DZIP3: variants seen among roughly 807,000 people sequenced by gnomAD.
DZIP3 encodes the protein DAZ interacting zinc finger protein 3, also known as E3 ubiquitin-protein ligase DZIP3.
A neutral mutation model predicts 162.0 loss-of-function variants in DZIP3; 118 were observed. That is an observed-to-expected ratio of 0.73 (90% CI 0.63 to 0.85). The LOEUF is 0.85. DZIP3 is among the 40% of genes least tolerant of loss of function. The pLI is 0.00. For missense variants in DZIP3, 1,331 were observed against 1,407.0 expected (o/e 0.95, Z 0.86); for synonymous variants, 438 against 458.6 (o/e 0.96, Z 0.57).
chr3:108,682,216 G>A (rs922923824), intron 26 of DZIP3, among the ~76,000 whole-genome samples: 6 of 150,942 alleles, frequency 4.0e-5, no homozygotes, highest in African/African-American at 1.5e-4. Context: ...CAGTATCGAG[G>A]TTCCTCAAAA....
At chr3:108,642,124 G>A (rs2107636398) in intron 12 of DZIP3, among the ~76,000 whole-genome samples, 1 of 152,162 alleles carries the variant, frequency 6.6e-6, no homozygotes, top group East Asian at 1.9e-4. Context: ...TTGCTTGCTT[G>A]CTTTTTTTGT....
chr3:108,684,438 A>G lies in DZIP3; in HGVS notation c.3009+97A>G, dbSNP rs906327244. ...TCTTCATTTTGTTCATTCATTTGAT[A>G]TGATAATGATGGGGGTGGTGGTGAT... On this transcript the variant is annotated intron_variant, in intron 27 of 32. Coordinates refer to ENST00000361582, the MANE Select transcript of DZIP3 (RefSeq NM_014648.4). 4 of 1,396,920 alleles carry G rather than the reference A, an allele frequency of 2.9e-6. No homozygotes were observed. The Admixed American group carries it at 6.4e-5, about 22-fold the overall frequency. 86.5% of individuals were successfully genotyped at this position (1,396,920 alleles called of 1,614,324 possible). A position where few individuals can be genotyped will look rare whatever the true frequency, so the allele number is the denominator to read the frequency against.
chr3:108,657,512 C>T (rs1468468679), intron 19 of DZIP3, among the ~76,000 whole-genome samples: 1 of 152,150 alleles, frequency 6.6e-6, no homozygotes, highest in African/African-American at 2.4e-5. Flanking sequence ...AAAGGAACAA[C>T]CAGTACCAGC....
At chr3:108,685,462 T>C (rs971620403) in intron 27 of DZIP3, among the ~76,000 whole-genome samples, 1 of 152,118 alleles carries the variant, frequency 6.6e-6, no homozygotes, top group Non-Finnish European at 1.5e-5. Context: ...TATTTGAAAA[T>C]AACCCATTAG....
chr3:108,690,170 A>G (rs1423748419), intron 31 of DZIP3, among the ~76,000 whole-genome samples: 2 of 152,200 alleles, frequency 1.3e-5, no homozygotes, highest in Non-Finnish European at 2.9e-5. Context: ...TTTTATGACT[A>G]TAGTTAGTGG....
intron 24 of DZIP3, 120 bp downstream of exon 24, chr3:108,674,301 C>A: frequency 2.5e-6 from 2 of 786,114 alleles, no homozygotes; most frequent in Non-Finnish European, 3.8e-6. Flanking sequence ...TAAAGAAGCT[C>A]TTGTGGTTTT....
At chr3:108,682,768 T>TA (rs1944367251) in intron 26 of DZIP3, among the ~76,000 whole-genome samples, 1 of 150,712 alleles carries the variant, frequency 6.6e-6, no homozygotes, top group South Asian at 2.1e-4. Context: ...TTTTGAATAT[T>TA]AGAACCACAA....
intron 14 of DZIP3, among the ~76,000 whole-genome samples, chr3:108,645,894 C>G (rs1218540202): frequency 6.6e-6 from 1 of 152,130 alleles, no homozygotes; most frequent in Non-Finnish European, 1.5e-5. Flanking sequence ...TACATTTACT[C>G]TATTAGGATT....
intron 26 of DZIP3, among the ~76,000 whole-genome samples, chr3:108,679,390 C>T (rs1292022672): frequency 6.6e-6 from 1 of 152,032 alleles, no homozygotes; most frequent in Admixed American, 6.6e-5. Context: ...ATGTCTTACC[C>T]GGGTTTAGTT....
At chr3:108,657,342 T>C (rs1943181129) in intron 19 of DZIP3, among the ~76,000 whole-genome samples, 3 of 152,134 alleles carry the variant, frequency 2.0e-5, no homozygotes, top group South Asian at 2.1e-4. Flanking sequence ...TTCAACATTC[T>C]TAAAGAAAAG....
intron 27 of DZIP3, among the ~76,000 whole-genome samples, chr3:108,685,936 C>T (rs1263039912): frequency 6.6e-6 from 1 of 151,976 alleles, no homozygotes; most frequent in Admixed American, 6.6e-5. Context: ...AATACTGTGC[C>T]ACAGACTTTT....
intron 18 of DZIP3, among the ~76,000 whole-genome samples, chr3:108,652,807 C>T (rs570816672): frequency 2.5e-4 from 38 of 151,940 alleles, no homozygotes; most frequent in South Asian, 1.0e-3. Context: ...GACATACTTA[C>T]GTGTTACAAC....
In DZIP3 at chr3:108,654,100, A is replaced by G. The variant is rs78663842; in HGVS notation, c.2034-45A>G. On this transcript the variant is annotated intron_variant, in intron 18 of 32. Transcript: ENST00000361582. ...GGAAGCAATAGCTTAGATGAAAATT[A>G]CTATACAATTGTAAAAGCTCACATT... is the stretch of plus-strand genomic sequence containing the variant. 5,458 of 1,587,478 alleles carry G rather than the reference A, an allele frequency of 3.4e-3. 170 individuals are homozygous for G. In the African/African-American group the frequency reaches 0.066, roughly 19 times the overall value.
At chr3:108,611,428 T>A (rs1335986847) in intron 4 of DZIP3, 99 bp downstream of exon 4, 2 of 1,415,262 alleles carry the variant, frequency 1.4e-6, no homozygotes, top group East Asian at 5.0e-5. Flanking sequence ...AGCCAAGGTC[T>A]TGAAAAAAAT....
rs1217709889 is a variant in DZIP3, at chr3:108,607,906, T to C, written c.33-183T>C. Among the ~76,000 whole-genome samples the C allele has an allele frequency of 5.3e-5, 8 of 152,312 alleles. No individual in the cohort carries two copies. In the East Asian group the frequency reaches 1.3e-3, roughly 26 times the overall value. ...TCTCTACCACCATCCAGTAAGGGCA[T>C]GGCCAATTCGTCTTCTTTAACATGA... is the stretch of plus-strand genomic sequence containing the variant. On this transcript the variant is annotated intron_variant, in intron 2 of 32. Transcript: ENST00000361582.
intron 26 of DZIP3, among the ~76,000 whole-genome samples, chr3:108,681,437 C>G (rs1430215230): frequency 1.3e-5 from 2 of 152,098 alleles, no homozygotes; most frequent in African/African-American, 2.4e-5. Flanking sequence ...ACAACAGATA[C>G]TAGAGAGGAT....
intron 1 of DZIP3, among the ~76,000 whole-genome samples, chr3:108,595,262 G>T (rs1335878360): frequency 6.6e-6 from 1 of 152,132 alleles, no homozygotes; most frequent in Non-Finnish European, 1.5e-5. Context: ...TGGTTGCCCA[G>T]ACTGGAGTGC....
intron 24 of DZIP3, 53 bp from the exon 25 acceptor site, chr3:108,675,733 C>G (rs772839031): frequency 3.1e-5 from 47 of 1,504,130 alleles, no homozygotes; most frequent in Admixed American, 6.5e-5. Flanking sequence ...GTTTGGAAAC[C>G]TAAGTGTTAT....
intron 22 of DZIP3, among the ~76,000 whole-genome samples, chr3:108,671,076 C>CT (rs1943910524): frequency 6.6e-6 from 1 of 151,694 alleles, no homozygotes; most frequent in African/African-American, 2.4e-5. Context: ...TTTGGGTTGC[C>CT]TTTTCATTTT....
Sources: allele counts gnomAD v4.1 joint callset (sites outside exome capture counted in the v4.1 genomes callset), GRCh38; gene constraint gnomAD v4.1.1; transcripts MANE v1.5; gene names NCBI Gene and HGNC (gene_info 2026-07-23, HGNC 2026-07-21).